GPC6: variants seen among roughly 807,000 people sequenced by gnomAD.
GPC6 encodes the protein glypican-6.
Under a neutral mutation model 55.2 loss-of-function variants are expected in GPC6, and 14 were observed. The observed-to-expected ratio is 0.25, with a 90% confidence interval of 0.17 to 0.40. The LOEUF (loss-of-function observed/expected upper bound fraction) is 0.40, where lower values mean the gene tolerates loss of function less well. GPC6 is among the 10% of genes least tolerant of loss of function. GPC6 has a pLI of 1.00. For synonymous variants in GPC6, 278 were observed against 259.6 expected, an observed-to-expected ratio of 1.07 and a Z score of -0.68; for missense variants, 641 against 708.5, an observed-to-expected ratio of 0.90 and a Z score of 1.08.
intron 3 of GPC6, among the ~76,000 whole-genome samples, chr13:93,955,717 C>T (rs540766361): frequency 1.3e-5 from 2 of 152,174 alleles, no homozygotes; most frequent in African/African-American, 2.4e-5. Flanking sequence ...TTTTAATTAA[C>T]AATCAGAGTC....
intron 1 of GPC6, among the ~76,000 whole-genome samples, chr13:93,313,566 A>T (rs945301967): frequency 5.9e-5 from 9 of 152,066 alleles, no homozygotes; most frequent in African/African-American, 1.9e-4. Flanking sequence ...AAAACTAGAA[A>T]TTTTTCCTAT....
At chr13:93,317,834 T>G (rs1879295214) in intron 1 of GPC6, among the ~76,000 whole-genome samples, 1 of 152,168 alleles carries the variant, frequency 6.6e-6, no homozygotes, top group Non-Finnish European at 1.5e-5. Flanking sequence ...TTTTGGAATT[T>G]CTTTTGTCTG....
At position 93,358,537 on chromosome 13, in the gene GPC6, G is replaced by A. The variant is rs557789441; in HGVS notation, c.160+130921G>A. 3.3e-5 allele frequency among the ~76,000 whole-genome samples: 5 copies of A among 152,180 alleles called. No individual in the cohort carries two copies. In the East Asian group the frequency reaches 9.7e-4, roughly 29 times the overall value. ...TCCCACCGCCCTTAAGTAGCAGAGT[G>A]GGAATTTGAACCTATGCAGCATGAC... On this transcript the variant is annotated intron_variant, in intron 1 of 8. Transcript: ENST00000377047.
intron 1 of GPC6, among the ~76,000 whole-genome samples, chr13:93,393,107 G>GATATATAT (rs374414019): frequency 0.015 from 1,690 of 114,410 alleles, 50 homozygotes; most frequent in East Asian, 0.11. Context: ...ATGTATATTT[G>GATATATAT]ATATATATAT....
At chr13:94,061,977 C>T (rs113735591) in intron 4 of GPC6, among the ~76,000 whole-genome samples, 6 of 152,242 alleles carry the variant, frequency 3.9e-5, no homozygotes, top group South Asian at 2.1e-4. Context: ...GATTCTCTTA[C>T]TCCAGTCCTA....
chr13:93,634,485 A>C (rs1213069729), intron 2 of GPC6, among the ~76,000 whole-genome samples: 1 of 152,222 alleles, frequency 6.6e-6, no homozygotes, highest in Non-Finnish European at 1.5e-5. Context: ...AGAAAACCCT[A>C]TTAAACGGTG....
chr13:93,457,676 C>A (rs1878510377), intron 1 of GPC6, among the ~76,000 whole-genome samples: 1 of 152,048 alleles, frequency 6.6e-6, no homozygotes, highest in East Asian at 1.9e-4. Flanking sequence ...TGATGCATGT[C>A]TTGTACTAAA....
intron 4 of GPC6, among the ~76,000 whole-genome samples, chr13:94,180,878 C>CAGAG (rs71272207): frequency 0.15 from 22,423 of 149,604 alleles, 1,834 homozygotes; most frequent in Middle Eastern, 0.23. Flanking sequence ...GAGACACACA[C>CAGAG]AGAGAGAGAG....
Position 93,663,932 on chromosome 13 carries a change from G to T in GPC6, c.319+118511G>T, listed in dbSNP as rs985100969. Reference sequence around the variant, plus strand: ...ATTATTCTAAAATTCTAGAGCTAGAGGAGGCAAGAGCATGGAAGTCCTCAA... The same window carrying T: ...ATTATTCTAAAATTCTAGAGCTAGATGAGGCAAGAGCATGGAAGTCCTCAA... On this transcript the variant is annotated intron_variant, in intron 2 of 8. Transcript: ENST00000377047. Among the ~76,000 whole-genome samples, 9 of 152,120 alleles carry T rather than the reference G, an allele frequency of 5.9e-5. No homozygotes were observed. In the South Asian group the frequency reaches 1.9e-3, roughly 32 times the overall value.
chr13:93,615,805 A>G (rs1594313866), intron 2 of GPC6, among the ~76,000 whole-genome samples: 1 of 152,050 alleles, frequency 6.6e-6, no homozygotes, highest in African/African-American at 2.4e-5. Context: ...ATCAATTCCA[A>G]TCGCCAAACT....
chr13:94,059,432 C>T (rs1884247496), intron 4 of GPC6, among the ~76,000 whole-genome samples: 1 of 151,930 alleles, frequency 6.6e-6, no homozygotes, highest in Non-Finnish European at 1.5e-5. Context: ...TTGGCTGAGC[C>T]ACAGAAGTGC....
chr13:94,067,721 A>G (rs2138778145), intron 4 of GPC6, among the ~76,000 whole-genome samples: 2 of 152,296 alleles, frequency 1.3e-5, no homozygotes, highest in African/African-American at 4.8e-5. Context: ...AGCAAATAAT[A>G]TGTGTGTGGC....
chr13:93,488,033 A>G (rs948252862), intron 1 of GPC6, among the ~76,000 whole-genome samples: 1 of 152,208 alleles, frequency 6.6e-6, no homozygotes, highest in East Asian at 1.9e-4. Flanking sequence ...GGTTTGTTAC[A>G]TATGTATACA....
intron 1 of GPC6, among the ~76,000 whole-genome samples, chr13:93,288,169 G>A (rs1878200353): frequency 6.6e-6 from 1 of 152,064 alleles, no homozygotes; most frequent in African/African-American, 2.4e-5. Flanking sequence ...AAAATAATTA[G>A]CAGAAACTCT....
At chr13:93,659,427 G>T (rs1046996918) in intron 2 of GPC6, among the ~76,000 whole-genome samples, 9 of 152,024 alleles carry the variant, frequency 5.9e-5, no homozygotes, top group African/African-American at 2.2e-4. Flanking sequence ...AGTACCAAAA[G>T]TCATGAGTCC....
intron 1 of GPC6, among the ~76,000 whole-genome samples, chr13:93,333,918 GTA>G (rs1879950489): frequency 6.6e-6 from 1 of 152,100 alleles, no homozygotes. Context: ...GTTTTTTGGT[GTA>G]GTCTTTAGGT....
At chr13:93,669,518 C>A (rs1881276767) in intron 2 of GPC6, among the ~76,000 whole-genome samples, 1 of 152,160 alleles carries the variant, frequency 6.6e-6, no homozygotes, top group Non-Finnish European at 1.5e-5. Flanking sequence ...CAGGCATTGG[C>A]AAATCACTGA....
At chr13:94,358,163 A>C (rs542825477) in intron 6 of GPC6, among the ~76,000 whole-genome samples, 34 of 151,844 alleles carry the variant, frequency 2.2e-4, no homozygotes, top group Admixed American at 5.9e-4. Context: ...GGTGGCATGC[A>C]CCTGTAGTTC....
At position 93,227,519 on chromosome 13, in the gene GPC6, C is replaced by T; in HGVS notation, c.63C>T (p.Ala21=). 1 of 1,613,830 alleles carries T rather than the reference C, an allele frequency of 6.2e-7. No homozygotes were observed. Among genetic ancestry groups the T allele is most frequent in the Non-Finnish European group, 8.5e-7 (1 of 1,179,798 alleles). ...PLLGLLLSLP[A]GADVKARSCG... Reference sequence around the variant, plus strand: ...TGGGGCTGCTGCTCTCCCTCCCCGCCGGGGCGGATGTGAAGGCTCGGAGCT... The same window carrying T: ...TGGGGCTGCTGCTCTCCCTCCCCGCTGGGGCGGATGTGAAGGCTCGGAGCT... The change falls in exon 1 of 9, where the codon GCC becomes GCT. Residue 21 remains alanine, a synonymous_variant. Coordinates refer to ENST00000377047, the MANE Select transcript of GPC6 (RefSeq NM_005708.5). This position sits in a 1 kb window ranked among gnomAD's most constrained non-coding sequence, Gnocchi z 4.3.
Sources: gnomAD v4.1 joint callset for allele counts (sites outside exome capture counted in the v4.1 genomes callset) on GRCh38, gnomAD v4.1.1 for gene constraint, Gnocchi (gnomAD v3.1) non-coding constraint, MANE v1.5 for transcripts, NCBI Gene and HGNC (gene_info 2026-07-23, HGNC 2026-07-21) for gene names.